The following LRRC37A2 variants were observed in gnomAD, a reference collection of about 807,000 sequenced individuals.
The protein encoded by LRRC37A2 is leucine-rich repeat-containing protein 37A2.
Under a neutral mutation model 68.8 loss-of-function variants are expected in LRRC37A2, and 9 were observed. The ratio of observed to expected loss-of-function variants is 0.13; its 90% confidence interval spans 0.08 to 0.23. The LOEUF is 0.23. Ranked by LOEUF, LRRC37A2 falls within the 10% of genes least tolerant of loss-of-function variation. The probability of loss-of-function intolerance (pLI) is 1.00; values close to 1 mark genes in which losing one functional copy is unlikely to be tolerated. For synonymous variants in LRRC37A2, 63 were observed against 367.6 expected (o/e 0.17, Z 9.48); for missense variants, 168 against 950.4 (o/e 0.18, Z 10.82).
At chr17:46,939,284 T>C in the LRRC37A2 span, 1 of 1,024,440 alleles carries the variant, frequency 9.8e-7, no homozygotes, top group Non-Finnish European at 1.2e-6. Flanking sequence ...CAGTGACATG[T>C]AGATGACTGA....
the LRRC37A2 span, chr17:46,721,455 A>C: frequency 1.6e-6 from 1 of 641,262 alleles, no homozygotes; most frequent in Non-Finnish European, 2.7e-6. Flanking sequence ...TCCTAACTTT[A>C]AGACCCTATA....
the LRRC37A2 span, among the ~76,000 whole-genome samples, chr17:46,825,281 A>G: frequency 6.6e-6 from 1 of 152,122 alleles, no homozygotes; most frequent in Non-Finnish European, 1.5e-5. Context: ...TGTGTATGGG[A>G]CATAAGCAGG....
the LRRC37A2 span, among the ~76,000 whole-genome samples, chr17:46,866,741 A>G: frequency 6.6e-6 from 1 of 152,036 alleles, no homozygotes; most frequent in African/African-American, 2.4e-5. Context: ...GTCCAGACAC[A>G]CTGGCATTAC....
chr17:46,708,491 C>CTTT, the LRRC37A2 span, among the ~76,000 whole-genome samples: 7 of 124,846 alleles, frequency 5.6e-5, no homozygotes, highest in Non-Finnish European at 6.5e-5. Flanking sequence ...GTTACATATC[C>CTTT]TTTTTTTTTT....
chr17:46,884,699 C>G, the LRRC37A2 span, among the ~76,000 whole-genome samples: 2 of 152,100 alleles, frequency 1.3e-5, no homozygotes, highest in South Asian at 2.1e-4. Flanking sequence ...TGGTGTCATC[C>G]CTCCTTTGCA....
chr17:46,770,989 G>T, the LRRC37A2 span, among the ~76,000 whole-genome samples: 1 of 152,238 alleles, frequency 6.6e-6, no homozygotes, highest in African/African-American at 2.4e-5. Flanking sequence ...GTGAAACGCC[G>T]GGCCGGCCTA....
the LRRC37A2 span, chr17:46,722,246 T>C: frequency 8.6e-7 from 1 of 1,167,162 alleles, no homozygotes; most frequent in Non-Finnish European, 1.3e-6. Flanking sequence ...AATCCCTACA[T>C]TCTTAAGATT....
At chr17:46,841,899 G>A in the LRRC37A2 span, among the ~76,000 whole-genome samples, 5 of 152,188 alleles carry the variant, frequency 3.3e-5, no homozygotes, top group Admixed American at 6.5e-5. Context: ...TGCGGTGTGT[G>A]GGGGGGTCTC....
the LRRC37A2 span, among the ~76,000 whole-genome samples, chr17:47,040,261 C>T: frequency 0.042 from 6,171 of 148,448 alleles, 792 homozygotes; most frequent in East Asian, 0.5. Context: ...TGGGTAACTT[C>T]GCAAGACCCC....
the LRRC37A2 span, among the ~76,000 whole-genome samples, chr17:47,030,912 C>A: frequency 6.6e-6 from 1 of 152,062 alleles, no homozygotes; most frequent in Admixed American, 6.5e-5. Context: ...TGTGGTTGAT[C>A]GATGATGAAT....
At chr17:46,766,339 C>T in the LRRC37A2 span, among the ~76,000 whole-genome samples, 7 of 151,424 alleles carry the variant, frequency 4.6e-5, no homozygotes, top group African/African-American at 9.7e-5. Context: ...ACCCAGGTGG[C>T]GGAGGTTACA....
the LRRC37A2 span, chr17:46,755,779 G>A: frequency 7.5e-7 from 1 of 1,333,670 alleles, no homozygotes; most frequent in Non-Finnish European, 9.9e-7. Flanking sequence ...CTGTTTTTTT[G>A]TGTTTTGGTA....
the LRRC37A2 span, chr17:47,019,271 A>G: frequency 1.3e-6 from 2 of 1,587,580 alleles, no homozygotes. Context: ...CTCCTCCTCC[A>G]GGACACCCTG....
the LRRC37A2 span, among the ~76,000 whole-genome samples, chr17:46,944,952 G>C: frequency 6.6e-6 from 1 of 152,270 alleles, no homozygotes; most frequent in East Asian, 1.9e-4. Context: ...TGAGAACCAC[G>C]GCTGTCAGTG....
At chr17:46,807,563 A>G in the LRRC37A2 span, among the ~76,000 whole-genome samples, 1 of 152,224 alleles carries the variant, frequency 6.6e-6, no homozygotes, top group Middle Eastern at 3.4e-3. Flanking sequence ...GTCAGGACCA[A>G]CTCCCTCCCA....
At chr17:47,035,340 G>A in the LRRC37A2 span, among the ~76,000 whole-genome samples, 3 of 152,160 alleles carry the variant, frequency 2.0e-5, no homozygotes, top group Admixed American at 1.3e-4. Context: ...TCTTCCCTCA[G>A]GCCCAGGTAA....
the LRRC37A2 span, among the ~76,000 whole-genome samples, chr17:46,735,330 C>T: frequency 6.6e-6 from 1 of 151,944 alleles, no homozygotes; most frequent in East Asian, 1.9e-4. Context: ...GATCCATTGC[C>T]TTAAATAAGT....
the LRRC37A2 span, among the ~76,000 whole-genome samples, chr17:46,951,019 C>A: frequency 1.3e-5 from 2 of 152,188 alleles, no homozygotes; most frequent in African/African-American, 4.8e-5. Context: ...GCCCTCGCCC[C>A]AACTACACGC....
the LRRC37A2 span, among the ~76,000 whole-genome samples, chr17:46,944,278 G>A: frequency 1.3e-5 from 2 of 152,236 alleles, no homozygotes; most frequent in South Asian, 2.1e-4. Flanking sequence ...TACAGCGGCC[G>A]GAGGCTGTGG....
Sources: allele counts gnomAD v4.1 joint callset (sites outside exome capture counted in the v4.1 genomes callset), GRCh38; gene constraint gnomAD v4.1.1; transcripts MANE v1.5; gene names NCBI Gene and HGNC (gene_info 2026-07-23, HGNC 2026-07-21).